Variants in PGAP2 observed in about 807,000 individuals in gnomAD.
PGAP2 encodes acyltransferase PGAP2.
PGAP2 carries 21 observed loss-of-function variants against 33.2 expected under a neutral mutation model. The ratio of observed to expected loss-of-function variants is 0.63; its 90% confidence interval spans 0.45 to 0.91. The LOEUF is 0.91. PGAP2 is among the 40% of genes least tolerant of loss of function. The pLI, the probability that PGAP2 is intolerant of heterozygous loss-of-function variation, is 0.00. For synonymous variants in PGAP2, 161 were observed against 172.9 expected (o/e 0.93, Z 0.54); for missense variants, 345 against 424.0 (o/e 0.81, Z 1.64).
chr11:3,821,522 C>G (rs2088629031), intron 3 of PGAP2, among the ~76,000 whole-genome samples: 1 of 152,154 alleles, frequency 6.6e-6, no homozygotes, highest in Non-Finnish European at 1.5e-5. Flanking sequence ...CTTTGGGAGG[C>G]CGAGGCAGGC....
intron 1 of PGAP2, among the ~76,000 whole-genome samples, chr11:3,801,077 T>C (rs1373356364): frequency 1.3e-5 from 2 of 150,850 alleles, no homozygotes; most frequent in African/African-American, 2.4e-5. Context: ...GAGGTTGCAG[T>C]GAGCTGAGAT....
chr11:3,817,487 C>G lies in PGAP2; in HGVS notation c.300C>G (p.Ile100Met), dbSNP rs1331678230. The change falls in exon 3 of 7, where the codon ATC becomes ATG. Residue 100 changes from isoleucine to methionine, a missense_variant. Coordinates refer to ENST00000278243, the MANE Select transcript of PGAP2 (RefSeq NM_014489.4). Reference sequence around the variant, plus strand: ...TGTTCGGCTTCTTCTTCTGCATCATCTGGTCCCTGGTGTTCCACTTTGAGT... The same window carrying G: ...TGTTCGGCTTCTTCTTCTGCATCATGTGGTCCCTGGTGTTCCACTTTGAGT... ...FPVFGFFFCI[I>M]WSLVFHFEYT... 1.9e-6 allele frequency: 3 copies of G among 1,614,174 alleles called. No homozygotes were observed. The highest frequency in any genetic ancestry group is 1.1e-5 in the South Asian group (1 of 91,088).
At chr11:3,800,855 G>A (rs887391153) in intron 1 of PGAP2, among the ~76,000 whole-genome samples, 1 of 149,818 alleles carries the variant, frequency 6.7e-6, no homozygotes, top group Non-Finnish European at 1.5e-5. Flanking sequence ...ATTTCCTGCC[G>A]GGAATGGTGG....
chr11:3,822,371 GA>G (rs372157637), intron 3 of PGAP2, among the ~76,000 whole-genome samples: 14,193 of 150,344 alleles, frequency 0.094, 911 homozygotes, highest in Middle Eastern at 0.17. Context: ...CTCAAAAAGA[GA>G]AAAAAAAGCA....
chr11:3,802,817 G>C (rs2083642036), intron 1 of PGAP2, among the ~76,000 whole-genome samples: 1 of 124,880 alleles, frequency 8.0e-6, no homozygotes. Context: ...TTTGTATTTT[G>C]TTTTGTTTCT....
At chr11:3,806,210 A>T (rs2084312211), upstream of PGAP2, among the ~76,000 whole-genome samples, 1 of 152,066 alleles carries the variant, frequency 6.6e-6, no homozygotes, top group Non-Finnish European at 1.5e-5. Flanking sequence ...ACAAGGTGTC[A>T]AGATAGGGAA....
upstream of PGAP2, among the ~76,000 whole-genome samples, chr11:3,804,133 C>T (rs1161442375): frequency 3.9e-5 from 6 of 152,018 alleles, no homozygotes; most frequent in African/African-American, 1.4e-4. Flanking sequence ...ATTCTCTTTT[C>T]CTATTAGTAT....
chr11:3,799,290 C>T (rs2059279232), intron 1 of PGAP2, among the ~76,000 whole-genome samples: 1 of 152,148 alleles, frequency 6.6e-6, no homozygotes, highest in African/African-American at 2.4e-5. Context: ...GTAATCCCAG[C>T]ACTTTGGGAT....
rs540845667 is a variant in PGAP2, at chr11:3,811,896, G to C, written c.165+472G>C. 6.6e-6 allele frequency among the ~76,000 whole-genome samples: 1 copy of C among 152,274 alleles called. No individual in the cohort carries two copies. The highest frequency in any genetic ancestry group is 2.4e-5 in the African/African-American group (1 of 41,552). On this transcript the variant is annotated intron_variant, in intron 2 of 6. Transcript: ENST00000278243. The surrounding 1 kb of genome is among the most constrained non-coding windows in gnomAD (Gnocchi z 4.6). Reference sequence around the variant, plus strand: ...CCTCTTAATGTAGCACTATGGGCTTGTGCCTGTCTCTGTAGGAATGTGACT... The same window carrying C: ...CCTCTTAATGTAGCACTATGGGCTTCTGCCTGTCTCTGTAGGAATGTGACT...
upstream of PGAP2, chr11:3,808,291 C>T (rs1209478551): frequency 6.4e-7 from 1 of 1,551,486 alleles, no homozygotes; most frequent in Non-Finnish European, 8.7e-7. Flanking sequence ...GTTCTTTCAA[C>T]AGGTAGATGG....
chr11:3,822,988 C>G (rs761261229), intron 3 of PGAP2: 2 of 1,448,352 alleles, frequency 1.4e-6, no homozygotes, highest in South Asian at 1.3e-5. Context: ...CCTTAGACTA[C>G]CCCAGGTTAG....
At chr11:3,824,835 T>TC in intron 5 of PGAP2, 185 bp from the exon 6 acceptor site, 7 of 1,437,584 alleles carry the variant, frequency 4.9e-6, no homozygotes, top group Non-Finnish European at 6.4e-6. Flanking sequence ...GGCCCATCAC[T>TC]CCCCCAGAGG....
rs9666328 is a variant in PGAP2 at position 3,822,289 on chromosome 11, G to A, written c.349-1594G>A. On this transcript the variant is annotated intron_variant, in intron 3 of 6. Transcript: ENST00000278243. ...TGAGGCAGGAGAATGGCGTGAACCC[G>A]GGAGGCGGAGCTTGCAGTGAGCCAA... 5.3e-5 allele frequency among the ~76,000 whole-genome samples: 8 copies of A among 151,600 alleles called. No homozygotes were observed. The South Asian group carries it at 1.0e-3, about 20-fold the overall frequency.
chr11:3,821,042 G>A (rs2088495705), intron 3 of PGAP2, among the ~76,000 whole-genome samples: 1 of 148,730 alleles, frequency 6.7e-6, no homozygotes. Flanking sequence ...TCTGAGCCTG[G>A]TCTCAAGCTA....
At chr11:3,814,818 CTTTCTTT>C (rs1565013468) in intron 2 of PGAP2, among the ~76,000 whole-genome samples, 2 of 128,018 alleles carry the variant, frequency 1.6e-5, no homozygotes, top group South Asian at 2.4e-4. Context: ...CTTTCTCTTT[CTTTCTTT>C]TTTTCTTTTT....
upstream of PGAP2, chr11:3,808,042 C>A (rs561135022): frequency 4.1e-4 from 581 of 1,407,032 alleles, 1 homozygote; most frequent in South Asian, 1.1e-3. Context: ...CAGCTCTAGG[C>A]CAGAGTTTCT....
Position 3,824,045 on chromosome 11 carries a change from C to T in PGAP2, c.511C>T (p.Arg171Cys), listed in dbSNP as rs1313853886. Residue 171 changes from arginine to cysteine, a missense_variant, in exon 4 of 7, where the codon CGC becomes TGC. Around this residue, in one of 2 missense-constraint regions of PGAP2, gnomAD observed 311 missense variants for 353.6 expected, o/e 0.88. Coordinates refer to ENST00000278243, the MANE Select transcript of PGAP2 (RefSeq NM_014489.4). ...CTGCACCTCCCCGTGTTCCTGCTAT[C>T]GCCCGCTCTGCCGCCTCAACTTCGG... Reference protein sequence around the residue: ...LSCTSPCSCYRPLCRLNFGLN... With the variant: ...LSCTSPCSCYCPLCRLNFGLN... The T allele has an allele frequency of 8.1e-6, 13 of 1,614,180 alleles. No individual in the cohort carries two copies. The highest frequency in any genetic ancestry group is 3.3e-5 in the South Asian group (3 of 91,084).
At chr11:3,821,834 G>T (rs2088737663) in intron 3 of PGAP2, among the ~76,000 whole-genome samples, 5 of 152,028 alleles carry the variant, frequency 3.3e-5, no homozygotes, top group Admixed American at 3.3e-4. Flanking sequence ...AGGCCGAGGG[G>T]GGTGGATTGT....
At chr11:3,797,994 A>G in intron 1 of PGAP2, 1 of 1,538,804 alleles carries the variant, frequency 6.5e-7, no homozygotes, top group Non-Finnish European at 8.8e-7. Flanking sequence ...TAACTATTCG[A>G]CCCTTTCCTT....
Sources: gnomAD v4.1 joint callset for allele counts (sites outside exome capture counted in the v4.1 genomes callset) on GRCh38, gnomAD v4.1.1 for gene constraint, gnomAD v4.1.1 regional missense constraint, Gnocchi (gnomAD v3.1) non-coding constraint, MANE v1.5 for transcripts, NCBI Gene and HGNC (gene_info 2026-07-23, HGNC 2026-07-21) for gene names.